MSH3: variants seen among roughly 807,000 people sequenced by gnomAD.
MSH3 encodes the protein DNA mismatch repair protein Msh3.
In MSH3, 106 loss-of-function variants were observed where a neutral mutation model predicts 123.3. The observed-to-expected ratio is 0.86, with a 90% CI of 0.73 to 1.01. The LOEUF (loss-of-function observed/expected upper bound fraction) is 1.01, where lower values mean the gene tolerates loss of function less well. MSH3 is among the 50% of genes least tolerant of loss of function. MSH3 has a pLI of 0.00. For missense variants in MSH3, 1,459 were observed against 1,347.6 expected (o/e 1.08, Z -1.29); for synonymous variants, 515 against 481.4 (o/e 1.07, Z -0.91).
At chr5:80,755,769 A>G (rs1743916539) in intron 12 of MSH3, among the ~76,000 whole-genome samples, 1 of 152,164 alleles carries the variant, frequency 6.6e-6, no homozygotes, top group Non-Finnish European at 1.5e-5. Context: ...TGTGGGAGAC[A>G]GGAGACAGGG....
At position 80,672,380 on chromosome 5, in the gene MSH3, T is replaced by C. The variant is rs1313036340; in HGVS notation, c.909+20T>C. 6.4e-7 allele frequency: 1 copy of C among 1,563,616 alleles called. No individual in the cohort carries two copies. Among genetic ancestry groups the C allele is most frequent in the Non-Finnish European group, 8.8e-7 (1 of 1,134,184 alleles). Reference sequence around the variant, plus strand: ...TATAAGGTCAGCTTTGGCTTTAACTTGTGGGGAAAGGAAATTGGGATTCTC... The same window carrying C: ...TATAAGGTCAGCTTTGGCTTTAACTCGTGGGGAAAGGAAATTGGGATTCTC... On this transcript the variant is annotated intron_variant, in intron 5 of 23. Transcript: ENST00000265081.
At chr5:80,655,288 T>C (rs1349726385) in intron 1 of MSH3, 42 of 260,438 alleles carry the variant, frequency 1.6e-4, no homozygotes, top group Non-Finnish European at 2.6e-4. Flanking sequence ...TCCATCCTTT[T>C]TTTTTTTCCT....
At position 80,656,464 on chromosome 5, in the gene MSH3, T is replaced by TA. The variant is rs1580540688; in HGVS notation, c.296dup (p.Lys100GlufsTer13). ...GACCATTGGAAAATGATGGGCCTGT[T>TA]AAAAAGAAAGTAAAGAAAGTCCAAC... On this transcript the variant is annotated frameshift_variant, in exon 2 of 24. Transcript: ENST00000265081. LOFTEE classifies it high-confidence loss of function. 1 of 1,614,164 alleles carries TA rather than the reference T, an allele frequency of 6.2e-7. No homozygotes were observed. The highest frequency in any genetic ancestry group is 1.3e-5 in the African/African-American group (1 of 75,030).
Position 80,854,041 on chromosome 5 carries a change from TC to T in MSH3, c.2814-88del, listed in dbSNP as rs1471495167. On this transcript the variant is annotated intron_variant, in intron 20 of 23. Coordinates refer to ENST00000265081, the MANE Select transcript of MSH3 (RefSeq NM_002439.5). ...CTCAAAATATATAGATTCTTAGTGA[TC>T]TTTTATATTTATTGTTCATAAAATA... 163 of 1,039,924 alleles carry T rather than the reference TC, an allele frequency of 1.6e-4. No individual in the cohort carries two copies. The African/African-American group carries it at 2.5e-3, about 16-fold the overall frequency. 64.4% of individuals were successfully genotyped at this position (1,039,924 alleles called of 1,614,324 possible).
At chr5:80,735,656 A>G (rs1158475726) in intron 10 of MSH3, among the ~76,000 whole-genome samples, 9 of 152,050 alleles carry the variant, frequency 5.9e-5, no homozygotes, top group African/African-American at 2.4e-5. Context: ...GTACCACTGC[A>G]CTCAAGCCTG....
intron 3 of MSH3, 52 bp from the exon 4 acceptor site, chr5:80,670,045 C>G (rs1445363896): frequency 6.5e-7 from 1 of 1,544,506 alleles, no homozygotes. Flanking sequence ...TCTCTGGGAA[C>G]TTATTATTGT....
Position 80,655,839 on chromosome 5 carries a change from TC to T in MSH3, c.238-571del, listed in dbSNP as rs551968033. Among the ~76,000 whole-genome samples, 600 of 152,322 alleles carry T rather than the reference TC, an allele frequency of 3.9e-3. 3 individuals are homozygous for T. Among genetic ancestry groups the T allele is most frequent in the African/African-American group, 0.014 (566 of 41,564 alleles). ...GAGGACGAGCTACGTTTTCATGAAT[TC>T]ACCAAAATTTTGCACCCACCATTTA... On this transcript the variant is annotated intron_variant, in intron 1 of 23. Coordinates refer to ENST00000265081, the MANE Select transcript of MSH3 (RefSeq NM_002439.5).
At chr5:80,865,473 A>G (rs189031462) in intron 22 of MSH3, among the ~76,000 whole-genome samples, 7 of 152,272 alleles carry the variant, frequency 4.6e-5, no homozygotes, top group South Asian at 2.1e-4. Context: ...TGAGCCTAGA[A>G]TTCACTTCTT....
At chr5:80,786,452 T>G (rs1041901325) in intron 17 of MSH3, among the ~76,000 whole-genome samples, 2 of 152,220 alleles carry the variant, frequency 1.3e-5, no homozygotes, top group Non-Finnish European at 2.9e-5. Context: ...CTTTCAGCTT[T>G]CCTTTTGGAC....
rs1416287946 is a variant in MSH3, at chr5:80,654,787, G to T, written c.60G>T (p.Arg20Ser). ...CTGCCTCCAGCTCAGCCCCTGCGAG[G>T]CAAGCGGTTTTGAGCCGATTCTTCC... ...GLAASSSAPA[R>S]QAVLSRFFQS... The change falls in exon 1 of 24, where the codon AGG (arginine) becomes AGT (serine). Residue 20 changes from arginine (R) to serine (S), a missense_variant. Coordinates refer to ENST00000265081, the MANE Select transcript of MSH3 (RefSeq NM_002439.5). 1.2e-6 allele frequency: 2 copies of T among 1,607,242 alleles called. No individual in the cohort carries two copies. Among genetic ancestry groups the T allele is most frequent in the South Asian group, 2.2e-5 (2 of 90,630 alleles).
intron 8 of MSH3, among the ~76,000 whole-genome samples, chr5:80,697,201 C>A (rs1032270213): frequency 1.3e-5 from 2 of 152,146 alleles, no homozygotes; most frequent in African/African-American, 4.8e-5. Context: ...TTTGAAGGAA[C>A]CTCCATACCA....
At chr5:80,708,162 G>A (rs546519999) in intron 8 of MSH3, among the ~76,000 whole-genome samples, 2 of 152,322 alleles carry the variant, frequency 1.3e-5, no homozygotes, top group South Asian at 2.1e-4. Context: ...AGATGCATTA[G>A]TGTCTTCTTT....
chr5:80,665,106 T>G, intron 2 of MSH3, 37 bp from the exon 3 acceptor site: 1 of 1,550,854 alleles, frequency 6.4e-7, no homozygotes, highest in Non-Finnish European at 8.9e-7. Flanking sequence ...AGACCAAAAT[T>G]ACTATTGTTC....
chr5:80,795,356 CA>C (rs749821947), intron 19 of MSH3, among the ~76,000 whole-genome samples: 15 of 152,126 alleles, frequency 9.9e-5, no homozygotes, highest in Non-Finnish European at 1.9e-4. Flanking sequence ...AGCTCATAAA[CA>C]ACAGAAATTT....
chr5:80,868,657 A>G (rs1233799135), intron 22 of MSH3, among the ~76,000 whole-genome samples: 1 of 147,218 alleles, frequency 6.8e-6, no homozygotes, highest in Non-Finnish European at 1.5e-5. Context: ...AGGAAGAATA[A>G]CTAATGGATA....
At chr5:80,790,298 A>G (rs1361767960) in intron 18 of MSH3, among the ~76,000 whole-genome samples, 13 of 152,188 alleles carry the variant, frequency 8.5e-5, no homozygotes, top group Non-Finnish European at 1.5e-5. Flanking sequence ...ACTCTACTGT[A>G]AGGGCCTATT....
At chr5:80,758,423 C>T (rs1386851699) in intron 12 of MSH3, among the ~76,000 whole-genome samples, 1 of 152,112 alleles carries the variant, frequency 6.6e-6, no homozygotes, top group East Asian at 1.9e-4. Flanking sequence ...TGTACTAACA[C>T]CAAGAGTTAG....
At chr5:80,826,329 A>G (rs1203101255) in intron 20 of MSH3, among the ~76,000 whole-genome samples, 1 of 152,192 alleles carries the variant, frequency 6.6e-6, no homozygotes, top group Non-Finnish European at 1.5e-5. Context: ...TTTGTACTCA[A>G]TGGAAAAAAT....
intron 8 of MSH3, among the ~76,000 whole-genome samples, chr5:80,682,256 A>G (rs1749989073): frequency 6.6e-6 from 1 of 152,182 alleles, no homozygotes; most frequent in African/African-American, 2.4e-5. Flanking sequence ...ACTTTGAGTA[A>G]GTTATCTACT....
Sources: gnomAD v4.1 joint callset for allele counts (sites outside exome capture counted in the v4.1 genomes callset) on GRCh38, gnomAD v4.1.1 for gene constraint, MANE v1.5 for transcripts, NCBI Gene and HGNC (gene_info 2026-07-23, HGNC 2026-07-21) for gene names.